DMD: variants seen among roughly 807,000 people sequenced by gnomAD.
DMD encodes the protein mutant dystrophin.
Under a neutral mutation model 330.1 loss-of-function variants are expected in DMD, and 63 were observed. The ratio of observed to expected loss-of-function variants is 0.19; its 90% CI spans 0.16 to 0.24. DMD has a LOEUF of 0.24. Ranked by LOEUF, DMD falls within the 10% of genes least tolerant of loss-of-function variation. The pLI is 1.00. For synonymous variants in DMD, 1,223 were observed against 959.8 expected (o/e 1.27, Z -5.07); for missense variants, 3,344 against 2,684.1 (o/e 1.25, Z -5.43).
At chrX:32,110,927 G>A (rs2096586562) in intron 44 of DMD, among the ~76,000 whole-genome samples, 1 of 111,941 alleles carries the variant, frequency 8.9e-6, no homozygotes, top group Non-Finnish European at 1.9e-5. Context: ...TATTACAGTG[G>A]AAGTATCCAA....
At chrX:31,480,496 T>G (rs1454604087) in intron 57 of DMD, among the ~76,000 whole-genome samples, 1 of 110,366 alleles carries the variant, frequency 9.1e-6, no homozygotes, top group African/African-American at 3.3e-5. Context: ...ACGTGAGTTA[T>G]TTACTCTGCT....
At chrX:32,918,025 C>A (rs765762360) in intron 2 of DMD, among the ~76,000 whole-genome samples, 11 of 110,045 alleles carry the variant, frequency 1.0e-4, no homozygotes, top group Non-Finnish European at 1.7e-4. Flanking sequence ...TCCAGATCAG[C>A]CTTTGGTAGA....
intron 52 of DMD, among the ~76,000 whole-genome samples, chrX:31,714,288 T>C (rs1417146622): frequency 8.9e-6 from 1 of 111,754 alleles, no homozygotes; most frequent in Non-Finnish European, 1.9e-5. Flanking sequence ...GGATTTATTA[T>C]ATTTATAATT....
chrX:31,410,921 G>GTTT (rs758238229), intron 60 of DMD, among the ~76,000 whole-genome samples: 13 of 59,782 alleles, frequency 2.2e-4, no homozygotes, highest in African/African-American at 3.0e-4. Context: ...CTGTGTGTGT[G>GTTT]TTTTTTTTTT....
intron 26 of DMD, among the ~76,000 whole-genome samples, chrX:32,454,398 ATAC>A (rs1373192399): frequency 9.0e-6 from 1 of 111,099 alleles, no homozygotes; most frequent in East Asian, 2.8e-4. Flanking sequence ...TGCTCTCTTA[ATAC>A]TACATGATTT....
Position 33,223,535 on chromosome X carries a change from T to C in DMD, c.7+115724A>G, listed in dbSNP as rs974614739. ...CAAAGACAACCTTTTCAATAAATGG[T>C]GCTGGAACAACTGGGCATCCACATG... On this transcript the variant is annotated intron_variant, in intron 1 of 17. Coordinates refer to the DMD transcript ENST00000288447. 6.4e-4 allele frequency among the ~76,000 whole-genome samples: 72 copies of C among 112,150 alleles called. 1 individual carries two copies. The highest frequency in any genetic ancestry group is 3.5e-3 in the Admixed American group (37 of 10,566).
At chrX:31,291,007 G>A (rs2053648097) in intron 62 of DMD, among the ~76,000 whole-genome samples, 1 of 112,203 alleles carries the variant, frequency 8.9e-6, no homozygotes. Context: ...AAATATTCTA[G>A]TTATTTGCAG....
At chrX:31,437,996 A>G (rs1163476517) in intron 60 of DMD, among the ~76,000 whole-genome samples, 2 of 110,592 alleles carry the variant, frequency 1.8e-5, no homozygotes, top group African/African-American at 6.6e-5. Context: ...CATATTGGAC[A>G]GCACAGTTCT....
intron 60 of DMD, among the ~76,000 whole-genome samples, chrX:31,402,137 A>G (rs1419521583): frequency 1.8e-5 from 2 of 111,930 alleles, no homozygotes; most frequent in Non-Finnish European, 3.8e-5. Context: ...ATTGCAGTAG[A>G]GAGGCTGAGT....
intron 43 of DMD, among the ~76,000 whole-genome samples, chrX:32,231,247 A>AT (rs1173508568): frequency 8.9e-6 from 1 of 112,755 alleles, no homozygotes; most frequent in Non-Finnish European, 1.9e-5. Flanking sequence ...TGAAAAAGCC[A>AT]TTTTATTTTA....
chrX:32,802,729 T>A (rs1417881782), intron 7 of DMD, among the ~76,000 whole-genome samples: 5 of 112,071 alleles, frequency 4.5e-5, no homozygotes, highest in Non-Finnish European at 7.5e-5. Flanking sequence ...ATTGAGATAA[T>A]CATGTGGTTT....
intron 1 of DMD, among the ~76,000 whole-genome samples, chrX:33,134,935 T>C (rs5971687): frequency 0.33 from 36,253 of 110,177 alleles, 4,744 homozygotes; most frequent in East Asian, 0.87. Context: ...GTATTTATTA[T>C]CACAAAATTT....
chrX:31,589,864 G>A (rs2076789718), intron 55 of DMD, among the ~76,000 whole-genome samples: 1 of 111,202 alleles, frequency 9.0e-6, no homozygotes, highest in South Asian at 3.7e-4. Flanking sequence ...CACAATCTAT[G>A]CATGTAACAA....
At chrX:31,145,062 T>C (rs896039233) in intron 76 of DMD, among the ~76,000 whole-genome samples, 1 of 112,209 alleles carries the variant, frequency 8.9e-6, no homozygotes, top group African/African-American at 3.2e-5. Context: ...AACAAATTCA[T>C]CCAACTTTTG....
chrX:32,615,337 G>A (rs758655940), intron 11 of DMD, among the ~76,000 whole-genome samples: 2 of 111,068 alleles, frequency 1.8e-5, no homozygotes, highest in South Asian at 3.8e-4. Context: ...ACAGCCCAGC[G>A]GTAAGCTCTA....
chrX:33,233,854 T>A, intron 1 of DMD, among the ~76,000 whole-genome samples: 1 of 112,417 alleles, frequency 8.9e-6, no homozygotes, highest in East Asian at 2.8e-4. Flanking sequence ...AACAAAATCC[T>A]CATTATAATG....
intron 59 of DMD, among the ~76,000 whole-genome samples, chrX:31,453,156 T>C (rs1189121728): frequency 9.0e-6 from 1 of 111,052 alleles, no homozygotes; most frequent in African/African-American, 3.3e-5. Context: ...CTGTGGTTTT[T>C]TCTTTTTTGT....
chrX:32,190,177 C>A (rs1207774188), intron 44 of DMD, among the ~76,000 whole-genome samples: 1 of 110,981 alleles, frequency 9.0e-6, no homozygotes, highest in African/African-American at 3.3e-5. Flanking sequence ...GTGGACAGGG[C>A]AGTCCACCAC....
chrX:31,147,619 T>C (rs1167973475), intron 74 of DMD, 101 bp from the exon 75 acceptor site: 4 of 534,378 alleles, frequency 7.5e-6, no homozygotes, highest in East Asian at 4.1e-5. Flanking sequence ...TATACCATGG[T>C]AGATAGATGC....
Sources: gnomAD v4.1 joint callset for allele counts (sites outside exome capture counted in the v4.1 genomes callset) on GRCh38, gnomAD v4.1.1 for gene constraint, MANE v1.5 for transcripts, NCBI Gene and HGNC (gene_info 2026-07-23, HGNC 2026-07-21) for gene names.